The following KIRREL3 variants were observed in gnomAD, a reference collection of about 807,000 sequenced individuals.
The protein encoded by KIRREL3 is kirre like nephrin family adhesion molecule 3.
KIRREL3 carries 36 observed loss-of-function variants against 89.7 expected under a neutral mutation model. The observed-to-expected ratio is 0.40, with a 90% CI of 0.31 to 0.53. KIRREL3 has a LOEUF of 0.53. KIRREL3 is among the 20% of genes least tolerant of loss of function. The pLI is 0.49. For missense variants in KIRREL3, 864 were observed against 1,056.6 expected, an observed-to-expected ratio of 0.82 and a Z score of 2.53; for synonymous variants, 445 against 441.4, an observed-to-expected ratio of 1.01 and a Z score of -0.10.
chr11:126,898,488 A>T lies in KIRREL3; in HGVS notation c.55+101967T>A, dbSNP rs1236582339. 2.6e-5 allele frequency among the ~76,000 whole-genome samples: 4 copies of T among 152,252 alleles called. No homozygotes were observed. Among genetic ancestry groups the T allele is most frequent in the Admixed American group, 2.6e-4 (4 of 15,288 alleles). On this transcript the variant is annotated intron_variant, in intron 1 of 16. Transcript: ENST00000525144. This position sits in a 1 kb window ranked among gnomAD's most constrained non-coding sequence, Gnocchi z 4.9. ...GAGATGCAACAAAACAGAATGGATAATGAAATTTTGTGAATGCAGCAATTA... is the reference window on the plus strand; with the variant it reads ...GAGATGCAACAAAACAGAATGGATATTGAAATTTTGTGAATGCAGCAATTA...
rs1157805091 is a variant in KIRREL3, at chr11:126,628,578, A to G, written c.56-65666T>C. Among the ~76,000 whole-genome samples, 1 of 152,208 alleles carries G rather than the reference A, an allele frequency of 6.6e-6. No individual in the cohort carries two copies. Among genetic ancestry groups the G allele is most frequent in the African/African-American group, 2.4e-5 (1 of 41,452 alleles). On this transcript the variant is annotated intron_variant, in intron 1 of 16. Transcript: ENST00000525144. The surrounding 1 kb of genome is among the most constrained non-coding windows in gnomAD (Gnocchi z 5.2). Reference sequence around the variant, plus strand: ...TCTTTCAGCAACTTGTTCTATTGCCAACCTTTCTATAAGCCTTCTTCTGAG... The same window carrying G: ...TCTTTCAGCAACTTGTTCTATTGCCGACCTTTCTATAAGCCTTCTTCTGAG...
In KIRREL3 at chr11:126,526,638, C is replaced by T. The variant is rs750794406; in HGVS notation, c.183G>A (p.Ser61=). The change falls in exon 3 of 17, where the codon TCG becomes TCA. Residue 61 remains serine, a synonymous_variant. Transcript: ENST00000525144. This position sits in a 1 kb window ranked among gnomAD's most constrained non-coding sequence, Gnocchi z 5.7. ...SQQPQDQVVV[S]GQPVTLLCAI... is the part of the protein sequence containing the mutation. ...CGCAAAGTAGCGTCACTGGCTGTCC[C>T]GACACCACCACCTGGTCCTGGGGCT... 111 of 1,588,604 alleles carry T rather than the reference C, an allele frequency of 7.0e-5. 2 individuals are homozygous for T. In the Middle Eastern group the frequency reaches 1.3e-3, roughly 19 times the overall value.
At chr11:126,679,833 G>A (rs1349204719) in intron 1 of KIRREL3, among the ~76,000 whole-genome samples, 1 of 152,144 alleles carries the variant, frequency 6.6e-6, no homozygotes, top group Non-Finnish European at 1.5e-5. Flanking sequence ...ACTTGCCCCA[G>A]CCAATTGGAT....
At position 126,579,172 on chromosome 11, in the gene KIRREL3, G is replaced by A. The variant is rs7120933; in HGVS notation, c.56-16260C>T. 0.018 allele frequency among the ~76,000 whole-genome samples: 2,758 copies of A among 152,178 alleles called. 72 individuals carry two copies. Among genetic ancestry groups the A allele is most frequent in the African/African-American group, 0.062 (2,584 of 41,502 alleles). On this transcript the variant is annotated intron_variant, in intron 1 of 16. Coordinates refer to ENST00000525144, the MANE Select transcript of KIRREL3 (RefSeq NM_032531.4). The surrounding 1 kb of genome is among the most constrained non-coding windows in gnomAD (Gnocchi z 5.3). ...CCATTGATGATCCTGGAGGATGAAC[G>A]GGTCGTCTAAAACAGATGACGCTGG... is the stretch of plus-strand genomic sequence containing the variant.
chr11:126,974,100 T>C (rs966110170), intron 1 of KIRREL3, among the ~76,000 whole-genome samples: 4 of 152,120 alleles, frequency 2.6e-5, no homozygotes, highest in African/African-American at 9.7e-5. Flanking sequence ...TTCAGTTACA[T>C]AAGATGCAAA....
chr11:126,497,219 A>ACAGT (rs796606642), intron 4 of KIRREL3, among the ~76,000 whole-genome samples: 1 of 55,412 alleles, frequency 1.8e-5, no homozygotes, highest in Non-Finnish European at 4.6e-5. Flanking sequence ...AGTGTGTGAG[A>ACAGT]GTGAGTGTGT....
rs563088392 is a variant in KIRREL3, at chr11:126,435,115, C to T, written c.1588+153G>A. ...AGCTGGCTGGGACCTCCTCTCCCCA[C>T]TGCTTTGTCTACACTAAACCCTCAG... On this transcript the variant is annotated intron_variant, in intron 13 of 16. Transcript: ENST00000525144. Among the ~76,000 whole-genome samples, 364 of 152,176 alleles carry T rather than the reference C, an allele frequency of 2.4e-3. 1 individual carries two copies. Among genetic ancestry groups the T allele is most frequent in the Non-Finnish European group, 4.2e-3 (285 of 67,988 alleles).
At position 126,694,369 on chromosome 11, in the gene KIRREL3, T is replaced by C. The variant is rs1018777901; in HGVS notation, c.56-131457A>G. Reference sequence around the variant, plus strand: ...CTAGTGAGCGTGCACCGGAGTTGTGTCTCCCCTGGCTGTGGGGCTGTCTGG... The same window carrying C: ...CTAGTGAGCGTGCACCGGAGTTGTGCCTCCCCTGGCTGTGGGGCTGTCTGG... On this transcript the variant is annotated intron_variant, in intron 1 of 16. Transcript: ENST00000525144. This position sits in a 1 kb window ranked among gnomAD's most constrained non-coding sequence, Gnocchi z 4.4. Among the ~76,000 whole-genome samples the C allele has an allele frequency of 6.6e-6, 1 of 152,210 alleles. No homozygotes were observed. Among genetic ancestry groups the C allele is most frequent in the Non-Finnish European group, 1.5e-5 (1 of 68,030 alleles).
chr11:126,995,738 C>T lies in KIRREL3; in HGVS notation c.55+4717G>A, dbSNP rs1437595359. On this transcript the variant is annotated intron_variant, in intron 1 of 16. Transcript: ENST00000525144. This position sits in a 1 kb window ranked among gnomAD's most constrained non-coding sequence, Gnocchi z 6.5. The stretch of plus-strand genomic sequence containing the variant: ...TTTTGCTATTGAAATCTCTTCAATT[C>T]GCTCTGGATTATTCATGTGCTTTTT... 1.3e-5 allele frequency among the ~76,000 whole-genome samples: 2 copies of T among 152,190 alleles called. No homozygotes were observed. The highest frequency in any genetic ancestry group is 2.1e-4 in the South Asian group (1 of 4,822).
At position 126,906,786 on chromosome 11, in the gene KIRREL3, G is replaced by A. The variant is rs184810965; in HGVS notation, c.55+93669C>T. Among the ~76,000 whole-genome samples the A allele has an allele frequency of 5.9e-5, 9 of 152,340 alleles. No homozygotes were observed. The East Asian group carries it at 1.2e-3, about 20-fold the overall frequency. On this transcript the variant is annotated intron_variant, in intron 1 of 16. Transcript: ENST00000525144. The surrounding 1 kb of genome is among the most constrained non-coding windows in gnomAD (Gnocchi z 4.1). The stretch of plus-strand genomic sequence containing the variant: ...TGTAGCCCACAGTGCAAGGCTGCCT[G>A]TGGCTTCTTCCTGGGACGTCTGCTC...
intron 10 of KIRREL3, 122 bp downstream of exon 10, chr11:126,444,857 A>T: frequency 1.5e-6 from 2 of 1,302,464 alleles, no homozygotes; most frequent in Non-Finnish European, 2.1e-6. Flanking sequence ...GTCTACCCAT[A>T]GTTGGAGGTG....
rs2135106990 is a variant in KIRREL3, at chr11:126,683,009, T to A, written c.56-120097A>T. 1.3e-5 allele frequency among the ~76,000 whole-genome samples: 2 copies of A among 152,246 alleles called. No homozygotes were observed. The highest frequency in any genetic ancestry group is 3.9e-4 in the East Asian group (2 of 5,168). On this transcript the variant is annotated intron_variant, in intron 1 of 16. Transcript: ENST00000525144. This position sits in a 1 kb window ranked among gnomAD's most constrained non-coding sequence, Gnocchi z 5.2. Reference sequence around the variant, plus strand: ...AGCTAGGACTTCAGGCATGCACTACTATGCCTGGGTAACTTTTTTGATTTT... The same window carrying A: ...AGCTAGGACTTCAGGCATGCACTACAATGCCTGGGTAACTTTTTTGATTTT...
Position 126,955,210 on chromosome 11 carries a change from T to C in KIRREL3, c.55+45245A>G, listed in dbSNP as rs1393305481. ...CAGGGTAACGTGGTAATGAAGGAGA[T>C]GGCAAAGTGAAAAGCAAGTTGCTTT... On this transcript the variant is annotated intron_variant, in intron 1 of 16. Coordinates refer to ENST00000525144, the MANE Select transcript of KIRREL3 (RefSeq NM_032531.4). The surrounding 1 kb of genome is among the most constrained non-coding windows in gnomAD (Gnocchi z 4.6). Among the ~76,000 whole-genome samples the C allele has an allele frequency of 1.3e-5, 2 of 152,190 alleles. No individual in the cohort carries two copies. Among genetic ancestry groups the C allele is most frequent in the Non-Finnish European group, 2.9e-5 (2 of 68,042 alleles).
chr11:126,509,560 T>C (rs906831201), intron 4 of KIRREL3, among the ~76,000 whole-genome samples: 1 of 152,264 alleles, frequency 6.6e-6, no homozygotes, highest in Non-Finnish European at 1.5e-5. Flanking sequence ...TGTTCATAAA[T>C]GTGACATTCC....
At position 126,579,318 on chromosome 11, in the gene KIRREL3, G is replaced by A. The variant is rs1047553404; in HGVS notation, c.56-16406C>T. ...TAAATTGCATCCAGGGCCAAGGGGT[G>A]CAAGCTGCTCTGTCAGTTATGACTT... is the stretch of plus-strand genomic sequence containing the variant. On this transcript the variant is annotated intron_variant, in intron 1 of 16. Transcript: ENST00000525144. This position sits in a 1 kb window ranked among gnomAD's most constrained non-coding sequence, Gnocchi z 5.3. Among the ~76,000 whole-genome samples the A allele has an allele frequency of 5.9e-5, 9 of 152,144 alleles. No individual in the cohort carries two copies. Among genetic ancestry groups the A allele is most frequent in the African/African-American group, 9.7e-5 (4 of 41,420 alleles).
chr11:126,789,517 C>T (rs949340098), intron 1 of KIRREL3, among the ~76,000 whole-genome samples: 5 of 152,196 alleles, frequency 3.3e-5, no homozygotes, highest in Non-Finnish European at 5.9e-5. Context: ...ATTGCTTCCA[C>T]TTCACCTTCT....
In KIRREL3 at chr11:126,768,428, G is replaced by A. The variant is rs1054985595; in HGVS notation, c.56-205516C>T. On this transcript the variant is annotated intron_variant, in intron 1 of 16. Transcript: ENST00000525144. The surrounding 1 kb of genome is among the most constrained non-coding windows in gnomAD (Gnocchi z 4.5). ...AAATGCCTATGAATCAGTCAGGCAG[G>A]CCAAGGATCTTATGAACTTGGTTTA... is the stretch of plus-strand genomic sequence containing the variant. Among the ~76,000 whole-genome samples, 1 of 152,220 alleles carries A rather than the reference G, an allele frequency of 6.6e-6. No individual in the cohort carries two copies. Among genetic ancestry groups the A allele is most frequent in the Non-Finnish European group, 1.5e-5 (1 of 68,036 alleles).
At chr11:126,707,972 A>G (rs1947602694) in intron 1 of KIRREL3, among the ~76,000 whole-genome samples, 1 of 152,008 alleles carries the variant, frequency 6.6e-6, no homozygotes, top group Non-Finnish European at 1.5e-5. Flanking sequence ...GCTCGCTTGC[A>G]GTATTACATG....
chr11:126,946,604 TA>T lies in KIRREL3; in HGVS notation c.55+53850del, dbSNP rs1267450884. ...ACATGTTTTATGTCAGTTACTATGATAAGAGCTCATAAAATATGTCCCAATA... is the reference window on the plus strand; with the variant it reads ...ACATGTTTTATGTCAGTTACTATGATAGAGCTCATAAAATATGTCCCAATA... On this transcript the variant is annotated intron_variant, in intron 1 of 16. Transcript: ENST00000525144. The surrounding 1 kb of genome is among the most constrained non-coding windows in gnomAD (Gnocchi z 4.1). Among the ~76,000 whole-genome samples the T allele has an allele frequency of 1.3e-5, 2 of 152,200 alleles. No homozygotes were observed. Among genetic ancestry groups the T allele is most frequent in the African/African-American group, 2.4e-5 (1 of 41,454 alleles).
Sources: gnomAD v4.1 joint callset for allele counts (sites outside exome capture counted in the v4.1 genomes callset) on GRCh38, gnomAD v4.1.1 for gene constraint, Gnocchi (gnomAD v3.1) non-coding constraint, MANE v1.5 for transcripts, NCBI Gene and HGNC (gene_info 2026-07-23, HGNC 2026-07-21) for gene names.